The following CD247 variants were observed in gnomAD, a reference collection of about 807,000 sequenced individuals.
The protein encoded by CD247 is CD247 molecule.
Under a neutral mutation model 30.0 loss-of-function variants are expected in CD247, and 13 were observed. The ratio of observed to expected loss-of-function variants is 0.43; its 90% CI spans 0.28 to 0.69. The LOEUF (loss-of-function observed/expected upper bound fraction) is 0.69. Among genes scored for constraint, CD247 ranks in the 30% least tolerant of loss-of-function variants. The probability of loss-of-function intolerance (pLI) is 0.16; values close to 1 mark genes in which losing one functional copy is unlikely to be tolerated. For synonymous variants in CD247, 72 were observed against 80.0 expected, an observed-to-expected ratio of 0.90 and a Z score of 0.53; for missense variants, 193 against 212.6, an observed-to-expected ratio of 0.91 and a Z score of 0.57.
chr1:167,508,485 AG>A (rs1294429226), intron 1 of CD247, among the ~76,000 whole-genome samples: 1 of 152,244 alleles, frequency 6.6e-6, no homozygotes, highest in Non-Finnish European at 1.5e-5. Context: ...TTTAATAGAA[AG>A]AAAAAGGATA....
chr1:167,448,456 A>G, intron 1 of CD247: 1 of 985,354 alleles, frequency 1.0e-6, no homozygotes. Context: ...CTCTACAATT[A>G]GCTTTCTTTC....
At chr1:167,459,890 A>T (rs1652914544) in intron 1 of CD247, 1 of 152,178 alleles carries the variant, frequency 6.6e-6, no homozygotes, top group African/African-American at 2.4e-5. Flanking sequence ...TGAGAATTCC[A>T]CAAAGCCTGG....
intron 1 of CD247, among the ~76,000 whole-genome samples, chr1:167,473,124 CA>C (rs1653601288): frequency 2.0e-5 from 3 of 151,896 alleles, no homozygotes; most frequent in Non-Finnish European, 2.9e-5. Flanking sequence ...CACACACACA[CA>C]CCCATCTGTA....
intron 1 of CD247, among the ~76,000 whole-genome samples, chr1:167,500,597 C>T (rs1387853185): frequency 6.6e-6 from 1 of 152,206 alleles, no homozygotes; most frequent in African/African-American, 2.4e-5. Context: ...CCCCCCTACA[C>T]ACACACCCAT....
chr1:167,496,686 G>C (rs1346965131), intron 1 of CD247, among the ~76,000 whole-genome samples: 3 of 152,216 alleles, frequency 2.0e-5, no homozygotes, highest in Non-Finnish European at 1.5e-5. Context: ...GTGGGTAAGG[G>C]TTGGGAGGGA....
At chr1:167,433,948 G>A in intron 6 of CD247, 72 bp downstream of exon 6, 1 of 1,319,368 alleles carries the variant, frequency 7.6e-7, no homozygotes, top group Non-Finnish European at 1.1e-6. Flanking sequence ...GGATGGGAAA[G>A]GAGGCCTGCA....
At chr1:167,436,966 C>T (rs187928521) in intron 4 of CD247, among the ~76,000 whole-genome samples, 1 of 152,144 alleles carries the variant, frequency 6.6e-6, no homozygotes, top group African/African-American at 2.4e-5. Flanking sequence ...CCCAACAATC[C>T]CGCTTCTGGG....
At chr1:167,443,659 C>T (rs1426861207) in intron 1 of CD247, among the ~76,000 whole-genome samples, 2 of 152,148 alleles carry the variant, frequency 1.3e-5, no homozygotes, top group Middle Eastern at 3.2e-3. Context: ...CTCAGCACAA[C>T]ACAAAGGGGC....
intron 1 of CD247, among the ~76,000 whole-genome samples, chr1:167,482,491 C>CT (rs1654014083): frequency 6.6e-6 from 1 of 152,218 alleles, no homozygotes; most frequent in Non-Finnish European, 1.5e-5. Flanking sequence ...AAACACACTT[C>CT]TGCACTAAGA....
chr1:167,509,369 CAAAAAAAAA>C (rs35004744), intron 1 of CD247, among the ~76,000 whole-genome samples: 3 of 63,850 alleles, frequency 4.7e-5, no homozygotes, highest in Non-Finnish European at 6.6e-5. Flanking sequence ...AACTCTGTCT[CAAAAAAAAA>C]AAAAAAAAAA....
chr1:167,458,184 G>T (rs1422152917), intron 1 of CD247, among the ~76,000 whole-genome samples: 1 of 152,206 alleles, frequency 6.6e-6, no homozygotes, highest in Non-Finnish European at 1.5e-5. Flanking sequence ...CAGTGTTCAA[G>T]CTGGTCATCA....
At chr1:167,497,222 A>C (rs1252320071) in intron 1 of CD247, among the ~76,000 whole-genome samples, 5 of 152,350 alleles carry the variant, frequency 3.3e-5, no homozygotes, top group Non-Finnish European at 5.9e-5. Context: ...AATAAAATGC[A>C]CATATCCAAG....
Position 167,494,252 on chromosome 1 carries a change from C to T in CD247, c.58+24156G>A, listed in dbSNP as rs34344332. ...CCTGTGTTGATGGCCATGATCAATTCGGATCCCCAGGGCCAGTTCAGCAAA... is the reference window on the plus strand; with the variant it reads ...CCTGTGTTGATGGCCATGATCAATTTGGATCCCCAGGGCCAGTTCAGCAAA... On this transcript the variant is annotated intron_variant, in intron 1 of 7. Coordinates refer to ENST00000362089, the MANE Select transcript of CD247 (RefSeq NM_198053.3). The surrounding 1 kb of genome is among the most constrained non-coding windows in gnomAD (Gnocchi z 7.3). Among the ~76,000 whole-genome samples the T allele has an allele frequency of 1.2e-4, 18 of 152,276 alleles. No individual in the cohort carries two copies. Among genetic ancestry groups the T allele is most frequent in the East Asian group, 3.9e-4 (2 of 5,188 alleles).
intron 5 of CD247, 156 bp from the exon 6 acceptor site, chr1:167,434,232 T>G: frequency 1.4e-6 from 1 of 729,232 alleles, no homozygotes; most frequent in Non-Finnish European, 2.5e-6. Context: ...CACACAAACT[T>G]CTCTGCCCAC....
intron 1 of CD247, among the ~76,000 whole-genome samples, chr1:167,504,124 G>A (rs550298773): frequency 8.6e-4 from 131 of 152,294 alleles, no homozygotes; most frequent in Middle Eastern, 3.4e-3. Context: ...AGGCTGCCTG[G>A]GGCCAAAGGC....
At chr1:167,481,453 G>A (rs1433779779) in intron 1 of CD247, among the ~76,000 whole-genome samples, 1 of 152,148 alleles carries the variant, frequency 6.6e-6, no homozygotes, top group African/African-American at 2.4e-5. Flanking sequence ...TCATGACGCA[G>A]GGGAGAAAGT....
Position 167,439,465 on chromosome 1 carries a change from G to C in CD247, c.163-65C>G. 2.7e-6 allele frequency: 4 copies of C among 1,501,900 alleles called. No homozygotes were observed. The South Asian group carries it at 4.5e-5, about 17-fold the overall frequency. The allele number at this position is 1,501,900 out of a possible 1,614,324, so 93.0% of individuals were successfully genotyped here. A position where few individuals can be genotyped will look rare whatever the true frequency, so the allele number is the denominator to read the frequency against. On this transcript the variant is annotated intron_variant, in intron 2 of 7. Transcript: ENST00000362089. The stretch of plus-strand genomic sequence containing the variant: ...GGCGCGCAGGGGAGCCGGGGTGCCA[G>C]GGCGCGCGGCGACCCGAGGGACAGC...
chr1:167,485,973 A>G (rs1338249643), intron 1 of CD247, among the ~76,000 whole-genome samples: 1 of 152,012 alleles, frequency 6.6e-6, no homozygotes, highest in Non-Finnish European at 1.5e-5. Flanking sequence ...GAGGGTTAAG[A>G]GTCATTGTGG....
chr1:167,433,063 GTTGT>G lies in CD247; in HGVS notation c.394-8_394-5del, dbSNP rs769263658. The G allele has an allele frequency of 6.1e-5, 98 of 1,614,078 alleles. No individual in the cohort carries two copies. In the African/African-American group the frequency reaches 1.1e-3, roughly 19 times the overall value. ...CGTGCCCCTTGCCCCTCCGGCGCTG[GTTGT>G]TTGGGAGTGAAATGAGAAAAGGATT... On this transcript the variant is annotated splice_polypyrimidine_tract_variant and splice_region_variant and intron_variant, in intron 6 of 7. Transcript: ENST00000362089.
Sources: gnomAD v4.1 joint callset for allele counts (sites outside exome capture counted in the v4.1 genomes callset) on GRCh38, gnomAD v4.1.1 for gene constraint, Gnocchi (gnomAD v3.1) non-coding constraint, MANE v1.5 for transcripts, NCBI Gene and HGNC (gene_info 2026-07-23, HGNC 2026-07-21) for gene names.